The following ITPK1 variants were observed in gnomAD, a reference collection of about 807,000 sequenced individuals.
ITPK1 encodes inositol 1,3,4-trisphosphate 5/6-kinase.
A neutral mutation model predicts 45.3 loss-of-function variants in ITPK1; 21 were observed. That is an observed-to-expected ratio of 0.46 (90% CI 0.33 to 0.67). ITPK1 has a LOEUF of 0.67. ITPK1 is among the 30% of genes least tolerant of loss of function. The pLI, the probability that ITPK1 is intolerant of heterozygous loss-of-function variation, is 0.02. For missense variants in ITPK1, 474 were observed against 573.5 expected (o/e 0.83, Z 1.77); for synonymous variants, 258 against 253.6 (o/e 1.02, Z -0.16).
At chr14:93,078,492 G>C (rs923881380) in intron 2 of ITPK1, among the ~76,000 whole-genome samples, 1 of 152,120 alleles carries the variant, frequency 6.6e-6, no homozygotes, top group Non-Finnish European at 1.5e-5. Flanking sequence ...CCTGGGCCCC[G>C]AGGAATCCAG....
chr14:92,957,147 A>G (rs1884780887), intron 8 of ITPK1, among the ~76,000 whole-genome samples: 1 of 152,276 alleles, frequency 6.6e-6, no homozygotes, highest in Non-Finnish European at 1.5e-5. Context: ...GTGGATGGCC[A>G]CAGGCAGTCC....
intron 3 of ITPK1, chr14:93,066,262 C>G (rs1270667437): frequency 4.4e-6 from 2 of 455,624 alleles, no homozygotes; most frequent in South Asian, 3.1e-5. Context: ...GGAGGACACA[C>G]CAACAGGCAG....
At chr14:93,074,512 C>A (rs1430753565) in intron 3 of ITPK1, among the ~76,000 whole-genome samples, 1 of 152,340 alleles carries the variant, frequency 6.6e-6, no homozygotes, top group East Asian at 1.9e-4. Context: ...CAGGATCAGG[C>A]ATGGGGGAAG....
chr14:93,070,287 G>A (rs1890938985), intron 3 of ITPK1: 1 of 152,308 alleles, frequency 6.6e-6, no homozygotes, highest in Non-Finnish European at 1.5e-5. Context: ...CCAAATTCAG[G>A]ACTATTCCAG....
chr14:93,001,967 G>C (rs1473545676), intron 4 of ITPK1, among the ~76,000 whole-genome samples: 1 of 152,194 alleles, frequency 6.6e-6, no homozygotes, highest in Non-Finnish European at 1.5e-5. Context: ...CCACGCACGG[G>C]TCACAGACCT....
chr14:92,960,859 C>T (rs1441555481), intron 7 of ITPK1, among the ~76,000 whole-genome samples: 1 of 152,232 alleles, frequency 6.6e-6, no homozygotes, highest in Non-Finnish European at 1.5e-5. Context: ...CAGCACCAGG[C>T]ACAGAGCCCA....
chr14:93,002,288 C>T (rs1297067789), intron 4 of ITPK1, among the ~76,000 whole-genome samples: 1 of 152,124 alleles, frequency 6.6e-6, no homozygotes, highest in African/African-American at 2.4e-5. Context: ...CTCCAGTGAG[C>T]AGTAATCACG....
At chr14:93,069,436 G>A (rs373451473) in intron 3 of ITPK1, 7 of 154,546 alleles carry the variant, frequency 4.5e-5, no homozygotes, top group Non-Finnish European at 1.0e-4. Context: ...GCTGCTGTGT[G>A]TGGCCCTGGC....
At chr14:92,997,614 T>C (rs1408025796) in intron 4 of ITPK1, among the ~76,000 whole-genome samples, 2 of 152,198 alleles carry the variant, frequency 1.3e-5, no homozygotes, top group South Asian at 4.1e-4. Context: ...GAATTACCAA[T>C]CTGCTGGGTG....
chr14:93,014,183 A>G lies in ITPK1; in HGVS notation c.246+2493T>C, dbSNP rs944628469. 6.6e-6 allele frequency among the ~76,000 whole-genome samples: 1 copy of G among 152,172 alleles called. No homozygotes were observed. The highest frequency in any genetic ancestry group is 2.4e-5 in the African/African-American group (1 of 41,440). On this transcript the variant is annotated intron_variant, in intron 4 of 10. Transcript: ENST00000267615. This position sits in a 1 kb window ranked among gnomAD's most constrained non-coding sequence, Gnocchi z 4.4. ...GGTGAGGTCACGGCAACCATCCCCC[A>G]AGACCCAGACAAGACACTGCCTGAG...
At chr14:93,017,773 GCTGA>G (rs1452387225) in intron 3 of ITPK1, among the ~76,000 whole-genome samples, 2 of 152,352 alleles carry the variant, frequency 1.3e-5, no homozygotes, top group Middle Eastern at 3.4e-3. Context: ...AGGATTCAAG[GCTGA>G]CTGTTTTAAA....
rs558071664 is a variant in ITPK1, at chr14:93,029,063, T to C, written c.121-12262A>G. 6.7e-4 allele frequency among the ~76,000 whole-genome samples: 102 copies of C among 152,332 alleles called. 1 individual carries two copies. The highest frequency in any genetic ancestry group is 6.8e-3 in the Middle Eastern group (2 of 294). On this transcript the variant is annotated intron_variant, in intron 3 of 10. Transcript: ENST00000267615. ...TAGAAACCAGCCAACATGGACTGAA[T>C]TGATTCCCCAAAGCTGGAGGGATTC... is the stretch of plus-strand genomic sequence containing the variant.
intron 2 of ITPK1, among the ~76,000 whole-genome samples, chr14:93,109,420 T>C (rs1892655948): frequency 6.6e-6 from 1 of 152,236 alleles, no homozygotes; most frequent in Admixed American, 6.5e-5. Flanking sequence ...GACGTTTCAT[T>C]GTATACTTTG....
At chr14:93,062,197 G>A (rs1391896465) in intron 3 of ITPK1, among the ~76,000 whole-genome samples, 2 of 152,122 alleles carry the variant, frequency 1.3e-5, no homozygotes, top group East Asian at 3.9e-4. Context: ...CTTGAACCTG[G>A]GAGGCGGAGG....
intron 3 of ITPK1, among the ~76,000 whole-genome samples, chr14:93,059,216 G>A (rs1238470231): frequency 5.0e-5 from 2 of 40,324 alleles, no homozygotes; most frequent in African/African-American, 1.3e-4. Flanking sequence ...TGTGGGTCTC[G>A]AGGCAGGGGT....
chr14:92,950,525 AG>A (rs762339217), intron 9 of ITPK1, among the ~76,000 whole-genome samples: 5 of 152,230 alleles, frequency 3.3e-5, no homozygotes, highest in Non-Finnish European at 5.9e-5. Flanking sequence ...CAGACCTCAG[AG>A]GTGAAGGGAA....
rs777854347 is a variant in ITPK1, at chr14:93,028,671, A to G, written c.121-11870T>C. On this transcript the variant is annotated intron_variant, in intron 3 of 10. Transcript: ENST00000267615. Reference sequence around the variant, plus strand: ...GCCTGGCCCAGAGCAGGCCCCCTGCAGGCACCTCCCCAAGCGGATGTCAGC... The same window carrying G: ...GCCTGGCCCAGAGCAGGCCCCCTGCGGGCACCTCCCCAAGCGGATGTCAGC... Among the ~76,000 whole-genome samples the G allele has an allele frequency of 1.4e-4, 21 of 152,216 alleles. 1 individual carries two copies. The highest frequency in any genetic ancestry group is 2.6e-4 in the Admixed American group (4 of 15,284).
At chr14:93,039,110 G>A (rs975507204) in intron 3 of ITPK1, among the ~76,000 whole-genome samples, 22 of 152,216 alleles carry the variant, frequency 1.4e-4, no homozygotes, top group African/African-American at 4.8e-4. Context: ...CAGCTCTCAC[G>A]GGGGTGCTGC....
chr14:93,017,468 T>C (rs1203529876), intron 3 of ITPK1, among the ~76,000 whole-genome samples: 6 of 152,194 alleles, frequency 3.9e-5, no homozygotes, highest in African/African-American at 1.4e-4. Flanking sequence ...TGCAAGTGCC[T>C]GAGGTTGGGA....
Sources: allele counts gnomAD v4.1 joint callset (sites outside exome capture counted in the v4.1 genomes callset), GRCh38; gene constraint gnomAD v4.1.1; non-coding constraint Gnocchi (gnomAD v3.1); transcripts MANE v1.5; gene names NCBI Gene and HGNC (gene_info 2026-07-23, HGNC 2026-07-21).